TOP1MT: variants seen among roughly 807,000 people sequenced by gnomAD.
TOP1MT encodes DNA topoisomerase I mitochondrial, also known as DNA topoisomerase I, mitochondrial.
A neutral mutation model predicts 73.9 loss-of-function variants in TOP1MT; 80 were observed. The observed-to-expected ratio is 1.08, with a 90% CI of 0.90 to 1.30. TOP1MT has a LOEUF of 1.30. Ranked by LOEUF, TOP1MT falls within the 50% of genes most tolerant of loss-of-function variation. TOP1MT has a pLI of 0.00. For synonymous variants in TOP1MT, 338 were observed against 326.4 expected (o/e 1.04, Z -0.38); for missense variants, 815 against 808.0 (o/e 1.01, Z -0.10).
chr8:143,335,800 G>A (rs1056893113), upstream of TOP1MT, among the ~76,000 whole-genome samples: 7 of 152,342 alleles, frequency 4.6e-5, no homozygotes, highest in African/African-American at 1.7e-4. Context: ...GGCTGCCACC[G>A]CACGCCCTCA....
upstream of TOP1MT, among the ~76,000 whole-genome samples, chr8:143,347,695 GCCAGCCAGC>G (rs1563773697): frequency 2.3e-4 from 8 of 34,724 alleles, no homozygotes; most frequent in African/African-American, 3.3e-4. Context: ...CAGGCAGCCA[GCCAGCCAGC>G]CAGCCAGCCA....
intron 7 of TOP1MT, among the ~76,000 whole-genome samples, chr8:143,321,862 GCCACACGCACA>G (rs1230572371): frequency 9.2e-5 from 4 of 43,286 alleles, no homozygotes; most frequent in Non-Finnish European, 1.7e-4. Context: ...ACACACGCAT[GCCACACGCACA>G]CCACACGCAC....
chr8:143,332,643 C>A (rs1379266000), intron 1 of TOP1MT: 3 of 1,143,130 alleles, frequency 2.6e-6, no homozygotes, highest in Admixed American at 2.3e-5. Flanking sequence ...TCTGAAAGGG[C>A]CTTTCTGGCT....
At chr8:143,343,746 A>G (rs1207097801) in intron 1 of TOP1MT, 1 of 156,252 alleles carries the variant, frequency 6.4e-6, no homozygotes, top group African/African-American at 2.4e-5. Flanking sequence ...AGAGGAACAG[A>G]CACTTCGCTT....
chr8:143,318,102 G>A lies in TOP1MT; in HGVS notation c.1147-16C>T, dbSNP rs768046456. 3.0e-5 allele frequency: 49 copies of A among 1,613,452 alleles called. No homozygotes were observed. The East Asian group carries it at 8.2e-4, about 27-fold the overall frequency. On this transcript the variant is annotated splice_polypyrimidine_tract_variant and intron_variant, in intron 8 of 13. Coordinates refer to ENST00000329245, the MANE Select transcript of TOP1MT (RefSeq NM_052963.3). ...TCTTGTACACCTGAAGGAGAAAGAA[G>A]GAATTTCAGAGGACAGAAAAAACCC...
chr8:143,324,774 G>A, intron 5 of TOP1MT, 145 bp from the exon 6 acceptor site: 1 of 997,428 alleles, frequency 1.0e-6, no homozygotes, highest in Non-Finnish European at 1.5e-6. Flanking sequence ...GAGGTGGCCT[G>A]CCTGGCAGCT....
intron 7 of TOP1MT, among the ~76,000 whole-genome samples, chr8:143,321,834 A>G (rs377233378): frequency 8.3e-3 from 259 of 31,094 alleles, no homozygotes; most frequent in East Asian, 0.017. Flanking sequence ...CGCTACACAC[A>G]CACGCCACAC....
chr8:143,318,927 CTT>C (rs1251172541), intron 8 of TOP1MT, among the ~76,000 whole-genome samples: 1 of 152,242 alleles, frequency 6.6e-6, no homozygotes, highest in Admixed American at 6.5e-5. Flanking sequence ...TATGTCCCGC[CTT>C]TTTCTCTACA....
chr8:143,317,391 T>G (rs2129951596), intron 10 of TOP1MT, among the ~76,000 whole-genome samples: 2 of 152,192 alleles, frequency 1.3e-5, no homozygotes, highest in East Asian at 3.9e-4. Context: ...CACTGGAAAG[T>G]GCAGAGGCCT....
chr8:143,350,741 AC>A (rs1161643958), intron 1 of TOP1MT, among the ~76,000 whole-genome samples: 1 of 152,258 alleles, frequency 6.6e-6, no homozygotes, highest in Non-Finnish European at 1.5e-5. Context: ...CAGAATTGAA[AC>A]AAAGTCCAAT....
intron 12 of TOP1MT, among the ~76,000 whole-genome samples, chr8:143,315,077 C>G (rs917009833): frequency 6.6e-6 from 1 of 152,160 alleles, no homozygotes; most frequent in African/African-American, 2.4e-5. Flanking sequence ...GGAAAAACAC[C>G]TGCCACTTAG....
At chr8:143,322,656 A>ACACACGCACGC (rs1236080302) in intron 7 of TOP1MT, among the ~76,000 whole-genome samples, 2 of 92,580 alleles carry the variant, frequency 2.2e-5, no homozygotes, top group Non-Finnish European at 4.2e-5. Context: ...CACGCACACC[A>ACACACGCACGC]CACACGCACG....
chr8:143,317,640 T>G, intron 10 of TOP1MT, 83 bp downstream of exon 10: 1 of 1,297,820 alleles, frequency 7.7e-7, no homozygotes, highest in East Asian at 2.4e-5. Flanking sequence ...CGAGGCTCAC[T>G]CAACAAGGGC....
intron 1 of TOP1MT, chr8:143,332,594 T>A: frequency 7.8e-7 from 1 of 1,285,538 alleles, no homozygotes; most frequent in Non-Finnish European, 1.0e-6. Context: ...AGGAAGTCTC[T>A]GAAGGGTCTG....
At chr8:143,325,785 G>C (rs1272392441) in intron 4 of TOP1MT, among the ~76,000 whole-genome samples, 2 of 152,160 alleles carry the variant, frequency 1.3e-5, no homozygotes, top group African/African-American at 4.8e-5. Context: ...GGCTGTTTTA[G>C]GCCTAAGCAG....
At chr8:143,311,930 A>G (rs543739408) in intron 12 of TOP1MT, among the ~76,000 whole-genome samples, 2 of 152,362 alleles carry the variant, frequency 1.3e-5, no homozygotes, top group South Asian at 4.1e-4. Context: ...CTCACAAAGT[A>G]TAGAAAATAT....
rs533299408 is a variant in TOP1MT at position 143,321,572 on chromosome 8, CCA to C, written c.961-188_961-187del. On this transcript the variant is annotated intron_variant, in intron 7 of 13. Coordinates refer to ENST00000329245, the MANE Select transcript of TOP1MT (RefSeq NM_052963.3). ...CACACGCACGCCACACACACGCACG[CCA>C]CACAGGCACGCCACACGCACGCACG... Among the ~76,000 whole-genome samples the C allele has an allele frequency of 5.6e-4, 56 of 100,694 alleles. 2 individuals carry two copies. In the South Asian group the frequency reaches 0.014, roughly 24 times the overall value. 66.1% of individuals were successfully genotyped at this position (100,694 alleles called of 152,430 possible). A position where few individuals can be genotyped will look rare whatever the true frequency, so the allele number is the denominator to read the frequency against.
intron 10 of TOP1MT, 30 bp downstream of exon 10, chr8:143,317,693 G>C (rs1164007582): frequency 1.9e-6 from 3 of 1,585,760 alleles, no homozygotes; most frequent in Admixed American, 1.7e-5. Flanking sequence ...TGCTCCCCCC[G>C]CGCTGAGTGT....
intron 1 of TOP1MT, 45 bp downstream of exon 1, chr8:143,334,695 C>A: frequency 3.1e-6 from 5 of 1,595,762 alleles, no homozygotes; most frequent in Non-Finnish European, 4.3e-6. Context: ...CCTACCCAAG[C>A]CCGGTGCTCA....
Sources: gnomAD v4.1 joint callset for allele counts (sites outside exome capture counted in the v4.1 genomes callset) on GRCh38, gnomAD v4.1.1 for gene constraint, MANE v1.5 for transcripts, NCBI Gene and HGNC (gene_info 2026-07-23, HGNC 2026-07-21) for gene names.